CRIP3: variants seen among roughly 807,000 people sequenced by gnomAD.
CRIP3 encodes the protein cysteine rich protein 3.
Under a neutral mutation model 30.3 loss-of-function variants are expected in CRIP3, and 23 were observed. That is an observed-to-expected ratio of 0.76 (90% CI 0.55 to 1.08). CRIP3 has a LOEUF of 1.08. Ranked by LOEUF, CRIP3 falls within the 50% of genes least tolerant of loss-of-function variation. CRIP3 has a pLI of 0.00. For synonymous variants in CRIP3, 89 were observed against 97.6 expected (o/e 0.91, Z 0.52); for missense variants, 261 against 259.3 (o/e 1.01, Z -0.04).
intron 2 of CRIP3, 124 bp downstream of exon 2, chr6:43,308,191 G>T: frequency 1.2e-6 from 1 of 852,494 alleles, no homozygotes. Flanking sequence ...CACCAGGTGG[G>T]CGGCCTTGGG....
intron 4 of CRIP3, 160 bp downstream of exon 4, chr6:43,307,447 GAAAGA>G: frequency 1.6e-6 from 1 of 616,272 alleles, no homozygotes; most frequent in Non-Finnish European, 2.4e-6. Context: ...TAGAAAGAAA[GAAAGA>G]AAAAAAAAGC....
Position 43,308,786 on chromosome 6 carries a change from A to G in CRIP3, c.7T>C (p.Trp3Arg), listed in dbSNP as rs1779000926. Reference protein sequence around the residue: MSWTCPRCQQPVF... With the variant: MSRTCPRCQQPVF... ...GGTTGCTGGCAACGCGGACAGGTCCAGCTCATAGCTCCGCTCCAGGCAGCG... is the reference window on the plus strand; with the variant it reads ...GGTTGCTGGCAACGCGGACAGGTCCGGCTCATAGCTCCGCTCCAGGCAGCG... The change falls in exon 1 of 8, where the codon TGG (tryptophan) becomes CGG (arginine). Residue 3 changes from tryptophan (W) to arginine (R), a missense_variant. Transcript: ENST00000372569. 6.2e-7 allele frequency: 1 copy of G among 1,613,962 alleles called. No individual in the cohort carries two copies. The highest frequency in any genetic ancestry group is 8.5e-7 in the Non-Finnish European group (1 of 1,179,996).
chr6:43,305,540 C>A lies in CRIP3; in HGVS notation c.*274G>T, dbSNP rs1005250663. 1 of 517,732 alleles carries A rather than the reference C, an allele frequency of 1.9e-6. No homozygotes were observed. The highest frequency in any genetic ancestry group is 3.4e-5 in the Admixed American group (1 of 29,474). 32.1% of individuals were successfully genotyped at this position (517,732 alleles called of 1,614,324 possible). ...CAATAAACACAAGTTTTATGAGTAC[C>A]TTGAAGCTCCAGAATGTGCTGGGGA... is the stretch of plus-strand genomic sequence containing the variant. On this transcript the variant is annotated 3_prime_UTR_variant, in exon 8 of 8. Coordinates refer to ENST00000372569, the MANE Select transcript of CRIP3 (RefSeq NM_206922.3).
At position 43,305,868 on chromosome 6, in the gene CRIP3, G is replaced by A. The variant is rs944295933; in HGVS notation, c.561C>T (p.Asn187=). The part of the protein sequence containing the change: ...YGYLFGPKGV[N]IGDVGCYIYD... ...AGATGTAGCAGCCCACATCGCCAATGTTCACACCTGAGAGAGAGAGCCCTA... is the reference window on the plus strand; with the variant it reads ...AGATGTAGCAGCCCACATCGCCAATATTCACACCTGAGAGAGAGAGCCCTA... The change falls in exon 8 of 8, where the codon AAC becomes AAT. Residue 187 remains asparagine, a synonymous_variant. Coordinates refer to ENST00000372569, the MANE Select transcript of CRIP3 (RefSeq NM_206922.3). The A allele has an allele frequency of 2.5e-6, 4 of 1,614,056 alleles. No individual in the cohort carries two copies. In the African/African-American group the frequency reaches 4.0e-5, roughly 16 times the overall value.
chr6:43,306,595 C>T, intron 4 of CRIP3, 78 bp from the exon 5 acceptor site: 1 of 1,210,412 alleles, frequency 8.3e-7, no homozygotes, highest in Non-Finnish European at 1.2e-6. Flanking sequence ...GTGCTGTCCT[C>T]TTTCAAAAGC....
chr6:43,308,167 G>A (rs1222169096), intron 2 of CRIP3, 148 bp downstream of exon 2: 11 of 731,822 alleles, frequency 1.5e-5, no homozygotes, highest in South Asian at 5.5e-5. Context: ...CAAATTCCTG[G>A]CTGGTGTGGG....
At position 43,305,795 on chromosome 6, in the gene CRIP3, G is replaced by C. The variant is rs1185650049; in HGVS notation, c.*19C>G. 1.2e-6 allele frequency: 2 copies of C among 1,613,886 alleles called. No homozygotes were observed. The highest frequency in any genetic ancestry group is 1.7e-5 in the Admixed American group (1 of 60,000). On this transcript the variant is annotated 3_prime_UTR_variant, in exon 8 of 8. Transcript: ENST00000372569. ...CATGATGGGAGGCCTGAGTTAGGGT[G>C]ACCTTTTTTGTGAGCGTCTCATTTG... is the stretch of plus-strand genomic sequence containing the variant.
chr6:43,306,334 T>C, intron 5 of CRIP3, 21 bp from the exon 6 acceptor site: 1 of 1,613,344 alleles, frequency 6.2e-7, no homozygotes, highest in Non-Finnish European at 8.5e-7. Context: ...AAAGAAGTGG[T>C]AATGCTTCCA....
chr6:43,308,602 C>T, intron 1 of CRIP3, 148 bp downstream of exon 1: 2 of 1,048,366 alleles, frequency 1.9e-6, no homozygotes, highest in African/African-American at 1.6e-5. Context: ...GGAGAAGACC[C>T]GAGTGGGAGC....
At chr6:43,308,249 G>A (rs1180209134) in intron 2 of CRIP3, 66 bp downstream of exon 2, 2 of 1,387,334 alleles carry the variant, frequency 1.4e-6, no homozygotes, top group Non-Finnish European at 2.0e-6. Context: ...CTGAAGTTGG[G>A]GGCTGGTGCC....
Position 43,308,816 on chromosome 6 carries a change from CG to C in CRIP3, c.-25del, listed in dbSNP as rs1779001918. ...ATAGCTCCGCTCCAGGCAGCGCACG[CG>C]GCACACAGTAGGTACGCCGCTGCGG... On this transcript the variant is annotated 5_prime_UTR_variant, in exon 1 of 8. Coordinates refer to ENST00000372569, the MANE Select transcript of CRIP3 (RefSeq NM_206922.3). The C allele has an allele frequency of 6.2e-7, 1 of 1,613,690 alleles. No homozygotes were observed. Among genetic ancestry groups the C allele is most frequent in the Admixed American group, 1.7e-5 (1 of 59,992 alleles).
chr6:43,307,777 C>A (rs765672147), intron 3 of CRIP3, 34 bp from the exon 4 acceptor site: 10 of 1,608,742 alleles, frequency 6.2e-6, no homozygotes, highest in Non-Finnish European at 8.5e-6. Context: ...AGGCTTGAGC[C>A]CCCAGCTCCC....
intron 2 of CRIP3, 24 bp downstream of exon 2, chr6:43,308,291 C>T (rs370348134): frequency 2.9e-5 from 46 of 1,578,420 alleles, no homozygotes; most frequent in Non-Finnish European, 3.9e-5. Flanking sequence ...GTAAACAGGG[C>T]AGTGCTCCCT....
Position 43,307,859 on chromosome 6 carries a change from C to T in CRIP3, c.176G>A (p.Gly59Glu). 6.2e-7 allele frequency: 1 copy of T among 1,613,990 alleles called. No homozygotes were observed. Among genetic ancestry groups the T allele is most frequent in the Non-Finnish European group, 8.5e-7 (1 of 1,180,016 alleles). The change falls in exon 3 of 8, where the codon GGG (glycine) becomes GAG (glutamate). Residue 59 changes from glycine (G) to glutamate (E), a missense_variant. Coordinates refer to ENST00000372569, the MANE Select transcript of CRIP3 (RefSeq NM_206922.3). ...CTTACCCCTGGGTCCAAAGAGAGCC[C>T]CATAGCATGGCTTGTGGCAGTATGG... ...GRPYCHKPCY[G>E]ALFGPRGVNI...
At chr6:43,307,942 C>T (rs750568290) in intron 2 of CRIP3, 46 bp from the exon 3 acceptor site, 2 of 1,603,138 alleles carry the variant, frequency 1.2e-6, no homozygotes, top group Middle Eastern at 1.8e-4. Flanking sequence ...CCAGCGGGAG[C>T]CATGCCCCAC....
At position 43,306,307 on chromosome 6, in the gene CRIP3, T is replaced by C; in HGVS notation, c.407A>G (p.Lys136Arg). The C allele has an allele frequency of 1.2e-6, 2 of 1,614,046 alleles. No individual in the cohort carries two copies. The highest frequency in any genetic ancestry group is 2.2e-5 in the East Asian group (1 of 44,874). ...GCGEPVYFAE[K>R]VMSLGRNWHR... ...CCAATTTCTGCCTAATGACATCACC[T>C]TCTCAGCTGGTGGTGGAAAGAAGTG... Residue 136 changes from lysine (K) to arginine (R), a missense_variant, in exon 6 of 8, where the codon AAG becomes AGG. Transcript: ENST00000372569.
Position 43,308,808 on chromosome 6 carries a change from A to G in CRIP3, c.-16T>C, listed in dbSNP as rs1779001444. 2.5e-6 allele frequency: 4 copies of G among 1,613,950 alleles called. No homozygotes were observed. The highest frequency in any genetic ancestry group is 1.6e-4 in the Middle Eastern group (1 of 6,062). ...TCCAGCTCATAGCTCCGCTCCAGGC[A>G]GCGCACGCGGCACACAGTAGGTACG... On this transcript the variant is annotated 5_prime_UTR_variant, in exon 1 of 8. Transcript: ENST00000372569.
intron 7 of CRIP3, 60 bp from the exon 8 acceptor site, chr6:43,305,935 G>A: frequency 1.2e-6 from 2 of 1,612,438 alleles, no homozygotes; most frequent in African/African-American, 1.3e-5. Context: ...TTCAGGCCTA[G>A]AGGGAACTTG....
At chr6:43,306,590 G>A in intron 4 of CRIP3, 73 bp from the exon 5 acceptor site, 1 of 1,266,930 alleles carries the variant, frequency 7.9e-7, no homozygotes, top group African/African-American at 1.5e-5. Flanking sequence ...ATATGGTGCT[G>A]TCCTCTTTCA....
Sources: allele counts gnomAD v4.1 joint callset, GRCh38; gene constraint gnomAD v4.1.1; transcripts MANE v1.5; gene names NCBI Gene and HGNC (gene_info 2026-07-23, HGNC 2026-07-21).